Variants in PTPRD observed in about 807,000 individuals in gnomAD.
The protein encoded by PTPRD is protein tyrosine phosphatase receptor type D, also known as receptor-type tyrosine-protein phosphatase delta.
In PTPRD, 34 loss-of-function variants were observed where a neutral mutation model predicts 214.5. The ratio of observed to expected loss-of-function variants is 0.16; its 90% CI spans 0.12 to 0.21. The LOEUF (loss-of-function observed/expected upper bound fraction) is 0.21. Ranked by LOEUF, PTPRD falls within the 10% of genes least tolerant of loss-of-function variation. The probability of loss-of-function intolerance (pLI) is 1.00; values close to 1 mark genes in which losing one functional copy is unlikely to be tolerated. For missense variants in PTPRD, 2,545 were observed against 2,398.7 expected, an observed-to-expected ratio of 1.06 and a Z score of -1.27; for synonymous variants, 1,128 against 845.7, an observed-to-expected ratio of 1.33 and a Z score of -5.79.
chr9:10,180,601 G>GTT (rs1554806671), intron 3 of PTPRD, among the ~76,000 whole-genome samples: 2 of 60,880 alleles, frequency 3.3e-5, no homozygotes, highest in Non-Finnish European at 6.6e-5. Flanking sequence ...ACCAGATAAA[G>GTT]TACAAAAAAA....
At chr9:10,599,405 G>A (rs941939630) in intron 2 of PTPRD, among the ~76,000 whole-genome samples, 3 of 151,696 alleles carry the variant, frequency 2.0e-5, no homozygotes, top group African/African-American at 7.3e-5. Flanking sequence ...AACAATGAAT[G>A]CTGAATATTT....
intron 35 of PTPRD, among the ~76,000 whole-genome samples, chr9:8,422,775 C>A (rs558498246): frequency 1.3e-5 from 2 of 152,280 alleles, no homozygotes; most frequent in African/African-American, 4.8e-5. Context: ...CGGCAACATC[C>A]ACCAACTCTA....
chr9:10,332,391 T>G (rs918472605), intron 3 of PTPRD, among the ~76,000 whole-genome samples: 1 of 151,818 alleles, frequency 6.6e-6, no homozygotes. Flanking sequence ...TAAATGAACT[T>G]TCTTCTAATC....
At chr9:10,076,410 G>C (rs1282342891) in intron 3 of PTPRD, among the ~76,000 whole-genome samples, 3 of 152,124 alleles carry the variant, frequency 2.0e-5, no homozygotes, top group Non-Finnish European at 4.4e-5. Flanking sequence ...TGTAGGAAAA[G>C]GAAACTGTGT....
chr9:10,126,025 G>A (rs1319836545), intron 3 of PTPRD, among the ~76,000 whole-genome samples: 3 of 152,050 alleles, frequency 2.0e-5, no homozygotes, highest in African/African-American at 7.2e-5. Flanking sequence ...TTTGGGAAGA[G>A]AACAGAAATA....
At chr9:9,932,508 G>C (rs1162065736) in intron 5 of PTPRD, among the ~76,000 whole-genome samples, 1 of 131,558 alleles carries the variant, frequency 7.6e-6, no homozygotes, top group Non-Finnish European at 1.6e-5. Flanking sequence ...GAAATGAAGC[G>C]AGAAGGGAAG....
intron 9 of PTPRD, among the ~76,000 whole-genome samples, chr9:9,206,162 AC>A (rs2099944734): frequency 6.6e-6 from 1 of 152,188 alleles, no homozygotes; most frequent in Non-Finnish European, 1.5e-5. Flanking sequence ...TGCTCAAAGA[AC>A]AAGGTGACCA....
intron 4 of PTPRD, among the ~76,000 whole-genome samples, chr9:10,024,016 G>A (rs565543643): frequency 6.6e-6 from 1 of 152,068 alleles, no homozygotes; most frequent in Non-Finnish European, 1.5e-5. Context: ...TTCCAATCAT[G>A]AGTACTTTCT....
chr9:8,355,146 T>TTGAG (rs1052221593), intron 39 of PTPRD, among the ~76,000 whole-genome samples: 9 of 152,078 alleles, frequency 5.9e-5, no homozygotes, highest in Non-Finnish European at 1.3e-4. Context: ...ATGAGGGATA[T>TTGAG]TGAGTTTACA....
chr9:10,491,937 C>G (rs1169673461), intron 2 of PTPRD, among the ~76,000 whole-genome samples: 4 of 152,138 alleles, frequency 2.6e-5, no homozygotes, highest in Non-Finnish European at 5.9e-5. Flanking sequence ...TTGTTCAACT[C>G]CCACTTATGA....
At chr9:10,187,293 CA>C (rs2099339484) in intron 3 of PTPRD, among the ~76,000 whole-genome samples, 1 of 152,114 alleles carries the variant, frequency 6.6e-6, no homozygotes, top group African/African-American at 2.4e-5. Context: ...GAATATAGCA[CA>C]GCATTTGACT....
chr9:9,963,969 C>T (rs559806226), intron 4 of PTPRD, among the ~76,000 whole-genome samples: 87 of 138,976 alleles, frequency 6.3e-4, no homozygotes, highest in South Asian at 2.9e-3. Context: ...GCATTTCTTT[C>T]ATGCATTAAT....
rs1202966323 is a variant in PTPRD at position 9,853,984 on chromosome 9, TATC to T, written c.-368+84520_-368+84522del. Reference sequence around the variant, plus strand: ...TAGCAGATTCATCACCTTAAACATTTATCATTTCTTTGTGATGAGAACATTCAA... The same window carrying T: ...TAGCAGATTCATCACCTTAAACATTTATTTCTTTGTGATGAGAACATTCAA... On this transcript the variant is annotated intron_variant, in intron 5 of 45. Transcript: ENST00000381196. 2.0e-5 allele frequency among the ~76,000 whole-genome samples: 3 copies of T among 152,310 alleles called. No homozygotes were observed. In the East Asian group the frequency reaches 5.8e-4, roughly 29 times the overall value.
chr9:8,964,202 T>TTTTG (rs1291729625), intron 11 of PTPRD, among the ~76,000 whole-genome samples: 1 of 143,354 alleles, frequency 7.0e-6, no homozygotes, highest in East Asian at 2.1e-4. Context: ...GTTTTTTTTT[T>TTTTG]TTTTTTTTTT....
intron 9 of PTPRD, among the ~76,000 whole-genome samples, chr9:9,244,289 T>C (rs952269564): frequency 1.3e-5 from 2 of 152,022 alleles, no homozygotes; most frequent in Non-Finnish European, 2.9e-5. Flanking sequence ...AAAACTACTT[T>C]AAGGTTCATA....
chr9:8,709,514 CAA>C (rs758112672), intron 12 of PTPRD, among the ~76,000 whole-genome samples: 25 of 56,292 alleles, frequency 4.4e-4, no homozygotes, highest in African/African-American at 9.8e-4. Flanking sequence ...GACTCCATCT[CAA>C]AAAAAAAAAA....
At position 9,950,657 on chromosome 9, in the gene PTPRD, G is replaced by A. The variant is rs1175862107; in HGVS notation, c.-471-12047C>T. 5.3e-5 allele frequency among the ~76,000 whole-genome samples: 2 copies of A among 38,014 alleles called. 1 individual carries two copies. The highest frequency in any genetic ancestry group is 7.4e-5 in the Non-Finnish European group (2 of 27,020). The allele number at this position is 38,014 out of a possible 152,430, so 24.9% of individuals were successfully genotyped here. A position where few individuals can be genotyped will look rare whatever the true frequency, so the allele number is the denominator to read the frequency against. ...GAGAATGGCGTGAACCCCAGGGGGC[G>A]GAGCCTGCAGTGAGCCGAGATCGCG... On this transcript the variant is annotated intron_variant, in intron 4 of 45. Transcript: ENST00000381196.
At chr9:10,325,085 C>G (rs2096619831) in intron 3 of PTPRD, among the ~76,000 whole-genome samples, 2 of 152,016 alleles carry the variant, frequency 1.3e-5, no homozygotes, top group Non-Finnish European at 1.5e-5. Context: ...CACCTCCTCC[C>G]CAATCTACTA....
chr9:9,763,046 A>G (rs985229106), intron 6 of PTPRD, among the ~76,000 whole-genome samples: 1 of 152,094 alleles, frequency 6.6e-6, no homozygotes, highest in Non-Finnish European at 1.5e-5. Flanking sequence ...GGAAAGAGAG[A>G]GCGATCTCTT....
Sources: allele counts gnomAD v4.1 joint callset (sites outside exome capture counted in the v4.1 genomes callset), GRCh38; gene constraint gnomAD v4.1.1; transcripts MANE v1.5; gene names NCBI Gene and HGNC (gene_info 2026-07-23, HGNC 2026-07-21).